The following ASCC3 variants were observed in gnomAD, a reference collection of about 807,000 sequenced individuals.
ASCC3 encodes the protein activating signal cointegrator 1 complex subunit 3.
ASCC3 carries 158 observed loss-of-function variants against 256.3 expected under a neutral mutation model. That is an observed-to-expected ratio of 0.62 (90% CI 0.54 to 0.70). ASCC3 has a LOEUF of 0.70. Among genes scored for constraint, ASCC3 ranks in the 30% least tolerant of loss-of-function variants. The pLI is 0.00. For missense variants in ASCC3, 2,259 were observed against 2,626.0 expected (o/e 0.86, Z 3.05); for synonymous variants, 948 against 883.4 (o/e 1.07, Z -1.30).
intron 23 of ASCC3, among the ~76,000 whole-genome samples, chr6:100,643,391 A>T (rs1775223885): frequency 6.6e-6 from 1 of 152,106 alleles, no homozygotes. Flanking sequence ...TGTGCATGTG[A>T]CCCTTAAGAT....
intron 4 of ASCC3, among the ~76,000 whole-genome samples, chr6:100,826,336 T>C (rs574974628): frequency 6.6e-6 from 1 of 152,262 alleles, no homozygotes; most frequent in African/African-American, 2.4e-5. Context: ...TTTCACCATA[T>C]TGGCCAGGCT....
intron 14 of ASCC3, among the ~76,000 whole-genome samples, chr6:100,664,877 T>C (rs1776391196): frequency 6.6e-6 from 1 of 152,190 alleles, no homozygotes; most frequent in Non-Finnish European, 1.5e-5. Flanking sequence ...ACTAAAACTA[T>C]TGGTTGAAGG....
At chr6:100,763,395 T>G (rs895977324) in intron 10 of ASCC3, among the ~76,000 whole-genome samples, 14 of 152,148 alleles carry the variant, frequency 9.2e-5, no homozygotes, top group African/African-American at 3.1e-4. Context: ...TCTAGCAAAG[T>G]GCAAAAATGG....
At chr6:100,537,540 G>T (rs1562102183) in intron 37 of ASCC3, among the ~76,000 whole-genome samples, 1 of 152,056 alleles carries the variant, frequency 6.6e-6, no homozygotes, top group African/African-American at 2.4e-5. Context: ...AACCAACACC[G>T]AGTTAAGATG....
At chr6:100,744,684 G>T (rs1780583140) in intron 10 of ASCC3, among the ~76,000 whole-genome samples, 2 of 152,002 alleles carry the variant, frequency 1.3e-5, no homozygotes. Flanking sequence ...TTATTTTGTG[G>T]TATGTACTTT....
intron 38 of ASCC3, 125 bp from the exon 39 acceptor site, chr6:100,516,452 T>C: frequency 8.3e-7 from 1 of 1,204,760 alleles, no homozygotes; most frequent in Non-Finnish European, 1.2e-6. Flanking sequence ...TTAAGACCAT[T>C]ATGCTAAGTT....
At chr6:100,656,115 T>C (rs187300976) in intron 16 of ASCC3, among the ~76,000 whole-genome samples, 61 of 151,628 alleles carry the variant, frequency 4.0e-4, no homozygotes, top group Admixed American at 3.7e-3. Flanking sequence ...TTAAGGACAT[T>C]TGTTATTTTT....
intron 24 of ASCC3, among the ~76,000 whole-genome samples, chr6:100,642,303 A>G (rs1775162524): frequency 6.6e-6 from 1 of 152,188 alleles, no homozygotes; most frequent in Non-Finnish European, 1.5e-5. Context: ...TAGAAACACA[A>G]AAGATGGGGG....
intron 36 of ASCC3, among the ~76,000 whole-genome samples, chr6:100,553,983 A>C (rs887437418): frequency 2.0e-5 from 3 of 152,164 alleles, no homozygotes; most frequent in African/African-American, 7.2e-5. Context: ...TTGTTCTCCT[A>C]AGAATAATAT....
At chr6:100,595,439 T>A (rs1772242835) in intron 34 of ASCC3, among the ~76,000 whole-genome samples, 1 of 152,194 alleles carries the variant, frequency 6.6e-6, no homozygotes, top group African/African-American at 2.4e-5. Context: ...TGACTATAGC[T>A]AAGTAAAATA....
chr6:100,715,671 A>C (rs1163744218), intron 12 of ASCC3, 138 bp from the exon 13 acceptor site: 1 of 606,764 alleles, frequency 1.6e-6, no homozygotes, highest in Non-Finnish European at 2.9e-6. Context: ...ATACCTCATA[A>C]ACATATAACA....
chr6:100,526,833 GC>G (rs1288899118), intron 37 of ASCC3, among the ~76,000 whole-genome samples: 5 of 152,118 alleles, frequency 3.3e-5, no homozygotes, highest in African/African-American at 1.2e-4. Context: ...TGAACTCCGG[GC>G]AGTCTGGCCA....
intron 3 of ASCC3, chr6:100,857,946 G>C (rs185975597): frequency 7.2e-4 from 109 of 152,102 alleles, no homozygotes; most frequent in South Asian, 1.7e-3. Flanking sequence ...TGAATCTACA[G>C]ATCAATTTGG....
intron 4 of ASCC3, among the ~76,000 whole-genome samples, chr6:100,826,193 G>A (rs1341159504): frequency 1.9e-4 from 29 of 151,692 alleles, no homozygotes; most frequent in African/African-American, 6.5e-4. Flanking sequence ...GTGCAGTGGC[G>A]TGATCTTGGC....
chr6:100,655,009 T>C (rs1282719685), intron 17 of ASCC3, among the ~76,000 whole-genome samples: 1 of 152,034 alleles, frequency 6.6e-6, no homozygotes, highest in Non-Finnish European at 1.5e-5. Flanking sequence ...TAATACTAGT[T>C]AATATCCATA....
At chr6:100,522,150 C>T (rs770001137) in intron 37 of ASCC3, among the ~76,000 whole-genome samples, 1 of 152,120 alleles carries the variant, frequency 6.6e-6, no homozygotes, top group South Asian at 2.1e-4. Flanking sequence ...TTCTACTTGA[C>T]ACTCTATCTA....
At chr6:100,722,870 A>T (rs1175535464) in intron 11 of ASCC3, among the ~76,000 whole-genome samples, 1 of 151,854 alleles carries the variant, frequency 6.6e-6, no homozygotes, top group Admixed American at 6.6e-5. Flanking sequence ...GCTGCAAAGC[A>T]GCAATTCATT....
At chr6:100,676,758 ACACT>A (rs1456214930) in intron 14 of ASCC3, among the ~76,000 whole-genome samples, 5 of 103,114 alleles carry the variant, frequency 4.8e-5, no homozygotes, top group East Asian at 3.6e-4. Context: ...GCGCACACAC[ACACT>A]CACACACACA....
intron 36 of ASCC3, among the ~76,000 whole-genome samples, chr6:100,558,286 T>G (rs1485745215): frequency 6.6e-6 from 1 of 152,100 alleles, no homozygotes; most frequent in Non-Finnish European, 1.5e-5. Context: ...GTGCTAAAAG[T>G]TAAACCCAAA....
Sources: allele counts gnomAD v4.1 joint callset (sites outside exome capture counted in the v4.1 genomes callset), GRCh38; gene constraint gnomAD v4.1.1; transcripts MANE v1.5; gene names NCBI Gene and HGNC (gene_info 2026-07-23, HGNC 2026-07-21).